Variants in ZNF121 observed in about 807,000 individuals in gnomAD.
The protein encoded by ZNF121 is zinc finger protein 121 (clone ZHC32).
ZNF121 carries 1 observed loss-of-function variant against 2.4 expected under a neutral mutation model. The observed-to-expected ratio is 0.41, with a 90% CI of 0.15 to 1.94. The LOEUF is 1.94. Among genes scored for constraint, ZNF121 ranks in the 30% most tolerant of loss-of-function variants. The probability of loss-of-function intolerance (pLI) is 0.30; values close to 1 mark genes in which losing one functional copy is unlikely to be tolerated. For missense variants in ZNF121, 369 were observed against 466.3 expected, an observed-to-expected ratio of 0.79 and a Z score of 1.92; for synonymous variants, 173 against 158.6, an observed-to-expected ratio of 1.09 and a Z score of -0.68.
chr19:9,569,137 C>T (rs547591062), intron 1 of ZNF121, 55 bp from the exon 2 acceptor site: 6 of 152,812 alleles, frequency 3.9e-5, no homozygotes, highest in South Asian at 4.1e-4. Context: ...AAATGACAAA[C>T]GTAACCAAGA....
At chr19:9,580,568 C>G (rs190811194) in intron 1 of ZNF121, among the ~76,000 whole-genome samples, 258 of 152,194 alleles carry the variant, frequency 1.7e-3, no homozygotes, top group South Asian at 2.9e-3. Flanking sequence ...CCGTAAACCT[C>G]TTGAATTTTG....
chr19:9,584,046 C>T (rs1375741668), intron 1 of ZNF121: 2 of 152,186 alleles, frequency 1.3e-5, no homozygotes, highest in Non-Finnish European at 2.9e-5. Context: ...AGTCAGAGCC[C>T]TCTTGAAACC....
At position 9,566,264 on chromosome 19, in the gene ZNF121, G is replaced by A; in HGVS notation, c.849C>T (p.Pro283=). Residue 283 remains proline, a synonymous_variant, in exon 4 of 4, where the codon CCC becomes CCT. Transcript: ENST00000320451. ...CTTTCCCACACTCCTTACATTTATA[G>A]GGTTTTATTCCAGTGTGAATTCTAA... is the stretch of plus-strand genomic sequence containing the variant. The part of the protein sequence containing the change: ...NHFRIHTGIK[P]YKCKECGKAF... 6.2e-7 allele frequency: 1 copy of A among 1,614,068 alleles called. No homozygotes were observed. The highest frequency in any genetic ancestry group is 8.5e-7 in the Non-Finnish European group (1 of 1,180,006).
intron 1 of ZNF121, among the ~76,000 whole-genome samples, chr19:9,576,107 C>CA (rs948616654): frequency 1.3e-5 from 2 of 151,614 alleles, no homozygotes; most frequent in African/African-American, 2.4e-5. Context: ...TCTTAGGCCA[C>CA]AAAAAAAAGT....
chr19:9,565,927 T>G lies in ZNF121; in HGVS notation c.*13A>C. 1 of 1,516,494 alleles carries G rather than the reference T, an allele frequency of 6.6e-7. No individual in the cohort carries two copies. The highest frequency in any genetic ancestry group is 8.9e-7 in the Non-Finnish European group (1 of 1,126,868). The allele number at this position is 1,516,494 out of a possible 1,614,324, so 93.9% of individuals were successfully genotyped here. A position where few individuals can be genotyped will look rare whatever the true frequency, so the allele number is the denominator to read the frequency against. On this transcript the variant is annotated 3_prime_UTR_variant, in exon 4 of 4. Transcript: ENST00000320451. ...TAAAAGATTTCCACATTCCTTACAT[T>G]CAGAGTTTTTCTTCAGTGTGTTTTT...
In ZNF121 at chr19:9,560,999, G is replaced by C. The variant is rs2074098094; in HGVS notation, c.*4941C>G. ...TGAGAGTAGCTTATATTTTAATCTAGGATTGAGCACGTGCTATTTTTGCAA... is the reference window on the plus strand; with the variant it reads ...TGAGAGTAGCTTATATTTTAATCTACGATTGAGCACGTGCTATTTTTGCAA... On this transcript the variant is annotated 3_prime_UTR_variant, in exon 4 of 4. Coordinates refer to ENST00000320451, the MANE Select transcript of ZNF121 (RefSeq NM_001008727.5). 1 of 152,302 alleles carries C rather than the reference G, an allele frequency of 6.6e-6. No individual in the cohort carries two copies. The highest frequency in any genetic ancestry group is 2.1e-4 in the South Asian group (1 of 4,832). 9.4% of individuals were successfully genotyped at this position (152,302 alleles called of 1,614,324 possible). A position where few individuals can be genotyped will look rare whatever the true frequency, so the allele number is the denominator to read the frequency against.
intron 1 of ZNF121, among the ~76,000 whole-genome samples, chr19:9,580,687 C>G (rs1432638260): frequency 2.0e-4 from 30 of 152,188 alleles, no homozygotes; most frequent in Admixed American, 2.0e-3. Context: ...GCAGGCTTCC[C>G]AAGCACTTGG....
Position 9,566,718 on chromosome 19 carries a change from G to C in ZNF121, c.395C>G (p.Ala132Gly), listed in dbSNP as rs1329961638. The C allele has an allele frequency of 2.5e-6, 4 of 1,614,100 alleles. No homozygotes were observed. Among genetic ancestry groups the C allele is most frequent in the Non-Finnish European group, 3.4e-6 (4 of 1,180,048 alleles). ...GRAFTYSTSH[A>G]VSVKMHTVEK... ...TACAGTATGCATTTTAACAGACACA[G>C]CATGGCTTGTGGAGTAAGTAAAAGC... The change falls in exon 4 of 4, where the codon GCT becomes GGT. Residue 132 changes from alanine (A) to glycine (G), a missense_variant. Physicochemically the swap from Ala to Gly is moderately conservative, Grantham distance 60. This residue lies in a region of ZNF121 where 168 missense variants were observed against 162.3 expected (regional missense o/e 1.03). Coordinates refer to ENST00000320451, the MANE Select transcript of ZNF121 (RefSeq NM_001008727.5).
chr19:9,565,367 A>AAG lies in ZNF121; in HGVS notation c.*572_*573insCT, dbSNP rs2074123187. On this transcript the variant is annotated 3_prime_UTR_variant, in exon 4 of 4. Transcript: ENST00000320451. ...ACAACGACTTACAAAAAAAAAAAAA[A>AAG]AAAAAAAAAAAAAAAAAAAAGGCCA... 3.0e-5 allele frequency: 4 copies of AAG among 135,566 alleles called. No homozygotes were observed. The highest frequency in any genetic ancestry group is 6.1e-5 in the Non-Finnish European group (4 of 65,310). The allele number at this position is 135,566 out of a possible 1,614,324, so 8.4% of individuals were successfully genotyped here. A position where few individuals can be genotyped will look rare whatever the true frequency, so the allele number is the denominator to read the frequency against.
chr19:9,567,989 C>A, intron 3 of ZNF121, 106 bp downstream of exon 3: 3 of 1,251,486 alleles, frequency 2.4e-6, no homozygotes, highest in Non-Finnish European at 3.3e-6. Context: ...ATTCCTCCTG[C>A]TTGAGTAAAT....
chr19:9,575,296 G>A (rs754102129), intron 1 of ZNF121, among the ~76,000 whole-genome samples: 7 of 152,196 alleles, frequency 4.6e-5, no homozygotes, highest in Non-Finnish European at 8.8e-5. Context: ...GGTGGCACAT[G>A]CCTGTAGTCC....
At chr19:9,582,862 T>A (rs1189299204) in intron 1 of ZNF121, among the ~76,000 whole-genome samples, 1 of 133,548 alleles carries the variant, frequency 7.5e-6, no homozygotes, top group Non-Finnish European at 1.6e-5. Context: ...AACATGCTGT[T>A]AATAAATTCA....
In ZNF121 at chr19:9,562,985, A is replaced by C. The variant is rs777205802; in HGVS notation, c.*2955T>G. ...AGACAGGAAGATCACTGGAACCCGT[A>C]AGTTTGAGGCTGCAATGGGCTATAA... is the stretch of plus-strand genomic sequence containing the variant. On this transcript the variant is annotated 3_prime_UTR_variant, in exon 4 of 4. Coordinates refer to ENST00000320451, the MANE Select transcript of ZNF121 (RefSeq NM_001008727.5). The C allele has an allele frequency of 2.0e-5, 3 of 149,584 alleles. No homozygotes were observed. The highest frequency in any genetic ancestry group is 4.4e-5 in the Non-Finnish European group (3 of 67,604). The allele number at this position is 149,584 out of a possible 1,614,324, so 9.3% of individuals were successfully genotyped here.
rs1198425651 is a variant in ZNF121, at chr19:9,566,662, T to G, written c.451A>C (p.Lys151Gln). The G allele has an allele frequency of 6.2e-7, 1 of 1,614,196 alleles. No individual in the cohort carries two copies. The highest frequency in any genetic ancestry group is 1.1e-5 in the South Asian group (1 of 91,078). The change falls in exon 4 of 4, where the codon AAA (lysine) becomes CAA (glutamine). Residue 151 changes from lysine (K) to glutamine (Q), a missense_variant. Lys to Gln is a moderately conservative substitution (Grantham distance 53). This residue lies in a region of ZNF121 where 68 missense variants were observed against 105.5 expected (regional missense o/e 0.64). Coordinates refer to ENST00000320451, the MANE Select transcript of ZNF121 (RefSeq NM_001008727.5). ...EKPYECKECG[K>Q]FFRYSSYLNS... ...AGATATGAAGAATATCTAAAGAATT[T>G]TCCACATTCCTTACATTCGTAGGGT...
rs1193232448 is a variant in ZNF121, at chr19:9,584,469, G to A, written c.-168C>T. On this transcript the variant is annotated 5_prime_UTR_variant, in exon 1 of 4. Coordinates refer to ENST00000320451, the MANE Select transcript of ZNF121 (RefSeq NM_001008727.5). ...AAGCAGGCGGAACTCACCACAGCCA[G>A]GGTGGACTCCACCACGATAAAGGCG... 1.3e-5 allele frequency: 2 copies of A among 152,322 alleles called. No homozygotes were observed. Among genetic ancestry groups the A allele is most frequent in the Admixed American group, 6.5e-5 (1 of 15,282 alleles). 9.4% of individuals were successfully genotyped at this position (152,322 alleles called of 1,614,324 possible). A position where few individuals can be genotyped will look rare whatever the true frequency, so the allele number is the denominator to read the frequency against.
intron 3 of ZNF121, among the ~76,000 whole-genome samples, chr19:9,567,416 G>A (rs1314203364): frequency 1.3e-5 from 2 of 152,046 alleles, no homozygotes; most frequent in African/African-American, 4.8e-5. Flanking sequence ...TTTAAGATAG[G>A]ATTAAGGTAT....
intron 1 of ZNF121, among the ~76,000 whole-genome samples, chr19:9,583,300 A>G (rs2074261371): frequency 6.6e-6 from 1 of 151,682 alleles, no homozygotes; most frequent in Non-Finnish European, 1.5e-5. Context: ...TAGGAACTTC[A>G]GATAAAGACA....
intron 1 of ZNF121, among the ~76,000 whole-genome samples, chr19:9,576,796 G>C (rs1329650987): frequency 6.6e-6 from 1 of 152,030 alleles, no homozygotes; most frequent in Non-Finnish European, 1.5e-5. Flanking sequence ...AGAAACCACA[G>C]AAATACAACC....
At chr19:9,567,233 T>C (rs2144806552) in intron 3 of ZNF121, 124 bp from the exon 4 acceptor site, 1 of 777,054 alleles carries the variant, frequency 1.3e-6, no homozygotes, top group Admixed American at 3.1e-5. Flanking sequence ...ATGCATACAG[T>C]TGCTGCCCCA....
Sources: allele counts gnomAD v4.1 joint callset (sites outside exome capture counted in the v4.1 genomes callset), GRCh38; gene constraint gnomAD v4.1.1; regional missense constraint gnomAD v4.1.1; transcripts MANE v1.5; gene names NCBI Gene and HGNC (gene_info 2026-07-23, HGNC 2026-07-21).